The following SYN3 variants were observed in gnomAD, a reference collection of about 807,000 sequenced individuals.
SYN3 encodes the protein synapsin-3.
A neutral mutation model predicts 65.8 loss-of-function variants in SYN3; 35 were observed. The ratio of observed to expected loss-of-function variants is 0.53; its 90% CI spans 0.41 to 0.70. The LOEUF (loss-of-function observed/expected upper bound fraction) is 0.70, where lower values mean the gene tolerates loss of function less well. SYN3 is among the 30% of genes least tolerant of loss of function. The pLI, the probability that SYN3 is intolerant of heterozygous loss-of-function variation, is 0.00. For synonymous variants in SYN3, 270 were observed against 292.9 expected (o/e 0.92, Z 0.80); for missense variants, 680 against 749.0 (o/e 0.91, Z 1.08).
At chr22:32,707,496 G>T (rs2060896024) in intron 6 of SYN3, among the ~76,000 whole-genome samples, 1 of 152,182 alleles carries the variant, frequency 6.6e-6, no homozygotes, top group Admixed American at 6.5e-5. Flanking sequence ...CAGAGTGTCA[G>T]TCTCAAATGG....
chr22:32,803,617 C>T (rs1387319261), intron 6 of SYN3, among the ~76,000 whole-genome samples: 1 of 152,148 alleles, frequency 6.6e-6, no homozygotes, highest in Non-Finnish European at 1.5e-5. Flanking sequence ...GGGTTTTCCT[C>T]CCTCCTCCAC....
chr22:32,963,208 T>A (rs567400274), intron 3 of SYN3, among the ~76,000 whole-genome samples: 1 of 150,224 alleles, frequency 6.7e-6, no homozygotes, highest in African/African-American at 2.4e-5. Context: ...TCCGAGCAGC[T>A]AGGATTACAG....
chr22:32,571,779 A>T (rs925763580), intron 7 of SYN3, among the ~76,000 whole-genome samples: 3 of 152,044 alleles, frequency 2.0e-5, no homozygotes, highest in Non-Finnish European at 4.4e-5. Context: ...TTATCTATTG[A>T]GTGTCTTCTA....
intron 4 of SYN3, among the ~76,000 whole-genome samples, chr22:32,904,001 T>C (rs1036855164): frequency 1.3e-5 from 2 of 152,254 alleles, no homozygotes; most frequent in African/African-American, 2.4e-5. Context: ...GTAGTTCACC[T>C]GTATTTACTG....
At chr22:32,525,566 C>T (rs1270173792) in intron 12 of SYN3, among the ~76,000 whole-genome samples, 2 of 151,848 alleles carry the variant, frequency 1.3e-5, no homozygotes, top group African/African-American at 2.4e-5. Context: ...AAAAATTAGC[C>T]GGGAGTGTTG....
intron 12 of SYN3, among the ~76,000 whole-genome samples, chr22:32,527,239 C>T (rs941627637): frequency 6.6e-6 from 1 of 152,180 alleles, no homozygotes; most frequent in African/African-American, 2.4e-5. Context: ...ATAAACACTT[C>T]CTAGGTTTGA....
intron 13 of SYN3, among the ~76,000 whole-genome samples, chr22:32,516,370 T>G (rs2413127): frequency 0.54 from 82,370 of 151,592 alleles, 25,019 homozygotes; most frequent in East Asian, 0.9. Flanking sequence ...TTTATTTATT[T>G]ATTTATTTAT....
At chr22:32,623,978 A>G (rs2059630499) in intron 6 of SYN3, among the ~76,000 whole-genome samples, 1 of 152,194 alleles carries the variant, frequency 6.6e-6, no homozygotes. Context: ...CCTGAGTCCA[A>G]GGACACCGCT....
At chr22:32,649,049 T>C (rs1569123378) in intron 6 of SYN3, among the ~76,000 whole-genome samples, 1 of 152,216 alleles carries the variant, frequency 6.6e-6, no homozygotes, top group Non-Finnish European at 1.5e-5. Context: ...CACCCCTCTC[T>C]GTATCAATAC....
chr22:32,757,379 T>C (rs1377640641), intron 6 of SYN3, among the ~76,000 whole-genome samples: 1 of 150,288 alleles, frequency 6.7e-6, no homozygotes. Context: ...CTCACCACAA[T>C]TTCCGCCTCC....
rs1242765952 is a variant in SYN3 at position 32,801,193 on chromosome 22, G to A, written c.711+63722C>T. 6.6e-6 allele frequency among the ~76,000 whole-genome samples: 1 copy of A among 152,232 alleles called. No individual in the cohort carries two copies. Among genetic ancestry groups the A allele is most frequent in the Non-Finnish European group, 1.5e-5 (1 of 68,038 alleles). On this transcript the variant is annotated intron_variant, in intron 6 of 13. Coordinates refer to ENST00000358763, the MANE Select transcript of SYN3 (RefSeq NM_003490.4). The surrounding 1 kb of genome is among the most constrained non-coding windows in gnomAD (Gnocchi z 4.7). ...AACCAGAGAGAGAGAGAAAGAGAGA[G>A]AGTTTGGGTCTTTCTCCTCTGTGCC...
intron 7 of SYN3, among the ~76,000 whole-genome samples, chr22:32,563,976 G>A (rs886734881): frequency 6.6e-6 from 1 of 152,148 alleles, no homozygotes; most frequent in Non-Finnish European, 1.5e-5. Flanking sequence ...GCCCCTGTTG[G>A]GTTTCAAGCA....
At chr22:33,021,632 C>T (rs774893046) in intron 1 of SYN3, among the ~76,000 whole-genome samples, 35 of 152,198 alleles carry the variant, frequency 2.3e-4, no homozygotes, top group Non-Finnish European at 4.6e-4. Context: ...CAGACACATG[C>T]GTGGCCCACC....
chr22:32,915,025 G>C (rs1304555594), intron 4 of SYN3, among the ~76,000 whole-genome samples: 4 of 152,154 alleles, frequency 2.6e-5, no homozygotes, highest in Non-Finnish European at 4.4e-5. Flanking sequence ...GCAGGCTCAA[G>C]TGCAAGTTAT....
At chr22:32,852,137 C>G (rs1422774961) in intron 6 of SYN3, among the ~76,000 whole-genome samples, 1 of 152,198 alleles carries the variant, frequency 6.6e-6, no homozygotes, top group Non-Finnish European at 1.5e-5. Flanking sequence ...TAGATAACAC[C>G]TTGTCCTCTG....
intron 7 of SYN3, among the ~76,000 whole-genome samples, chr22:32,564,407 G>T (rs2058630038): frequency 6.6e-6 from 1 of 152,178 alleles, no homozygotes; most frequent in African/African-American, 2.4e-5. Context: ...CTGCTTCTCT[G>T]TAACCATGGC....
intron 6 of SYN3, among the ~76,000 whole-genome samples, chr22:32,844,501 T>G (rs1039203345): frequency 6.6e-6 from 1 of 152,212 alleles, no homozygotes; most frequent in African/African-American, 2.4e-5. Flanking sequence ...CAAACAAATA[T>G]TCAAAGGAAG....
At chr22:32,716,609 C>A (rs2061041957) in intron 6 of SYN3, among the ~76,000 whole-genome samples, 1 of 152,118 alleles carries the variant, frequency 6.6e-6, no homozygotes, top group South Asian at 2.1e-4. Flanking sequence ...CGGCTCATTG[C>A]AACCTCTGCC....
intron 13 of SYN3, among the ~76,000 whole-genome samples, chr22:32,516,466 C>G (rs780806118): frequency 6.6e-6 from 1 of 152,084 alleles, no homozygotes; most frequent in Non-Finnish European, 1.5e-5. Flanking sequence ...CAGGTTCAAG[C>G]GATTCTCCTG....
Sources: gnomAD v4.1 joint callset for allele counts (sites outside exome capture counted in the v4.1 genomes callset) on GRCh38, gnomAD v4.1.1 for gene constraint, Gnocchi (gnomAD v3.1) non-coding constraint, MANE v1.5 for transcripts, NCBI Gene and HGNC (gene_info 2026-07-23, HGNC 2026-07-21) for gene names.